Variants in IL1RAP observed in about 807,000 individuals in gnomAD.
IL1RAP encodes interleukin-1 receptor accessory protein.
In IL1RAP, 35 loss-of-function variants were observed where a neutral mutation model predicts 60.7. That is an observed-to-expected ratio of 0.58 (90% CI 0.44 to 0.76). The LOEUF (loss-of-function observed/expected upper bound fraction) is 0.76. IL1RAP is among the 30% of genes least tolerant of loss of function. IL1RAP has a pLI of 0.00. For missense variants in IL1RAP, 572 were observed against 693.9 expected (o/e 0.82, Z 1.97); for synonymous variants, 268 against 250.9 (o/e 1.07, Z -0.64).
chr3:190,596,571 A>G (rs1384227806), intron 3 of IL1RAP, among the ~76,000 whole-genome samples: 3 of 152,202 alleles, frequency 2.0e-5, no homozygotes, highest in Non-Finnish European at 2.9e-5. Context: ...GCACATTTCC[A>G]TTAGTCCTCT....
At chr3:190,522,633 T>C (rs1444657300) in intron 1 of IL1RAP, among the ~76,000 whole-genome samples, 1 of 135,816 alleles carries the variant, frequency 7.4e-6, no homozygotes, top group Admixed American at 7.9e-5. Flanking sequence ...AGGGGGAGTA[T>C]ATCAAGTAGA....
intron 3 of IL1RAP, among the ~76,000 whole-genome samples, chr3:190,590,346 C>T (rs570586231): frequency 2.7e-4 from 41 of 151,948 alleles, no homozygotes; most frequent in Non-Finnish European, 5.4e-4. Flanking sequence ...ACCTCTACCT[C>T]CCGGGTTCAA....
chr3:190,601,290 T>G (rs1392251487), intron 3 of IL1RAP, among the ~76,000 whole-genome samples: 2 of 152,210 alleles, frequency 1.3e-5, no homozygotes, highest in East Asian at 3.8e-4. Flanking sequence ...AGCCAAAACT[T>G]TGGTTATACT....
intron 3 of IL1RAP, among the ~76,000 whole-genome samples, chr3:190,576,126 A>G (rs925330944): frequency 2.6e-5 from 4 of 152,226 alleles, no homozygotes. Context: ...GTTGAATTAA[A>G]TATTTAAATG....
At chr3:190,632,204 C>T (rs1486165936) in intron 9 of IL1RAP, among the ~76,000 whole-genome samples, 3 of 152,212 alleles carry the variant, frequency 2.0e-5, no homozygotes, top group Non-Finnish European at 4.4e-5. Flanking sequence ...TACCATTTTA[C>T]CTGTCCTCTA....
chr3:190,524,368 T>A (rs1019176002), intron 1 of IL1RAP, among the ~76,000 whole-genome samples: 2 of 152,194 alleles, frequency 1.3e-5, no homozygotes, highest in African/African-American at 4.8e-5. Context: ...ATCCTATTTG[T>A]CAATATTTGC....
chr3:190,652,291 G>C (rs1734438780), downstream of IL1RAP, among the ~76,000 whole-genome samples: 1 of 151,816 alleles, frequency 6.6e-6, no homozygotes, highest in Admixed American at 6.6e-5. Flanking sequence ...GTGAAACCCT[G>C]TCTCTATTAA....
intron 9 of IL1RAP, 156 bp downstream of exon 9, chr3:190,629,654 G>T: frequency 7.2e-7 from 1 of 1,381,588 alleles, no homozygotes; most frequent in Middle Eastern, 2.0e-4. Context: ...AAATATGAAA[G>T]TTTTCATCTA....
At chr3:190,525,238 C>T (rs577681947) in intron 1 of IL1RAP, among the ~76,000 whole-genome samples, 1 of 152,210 alleles carries the variant, frequency 6.6e-6, no homozygotes, top group East Asian at 1.9e-4. Flanking sequence ...CAGCAACCAA[C>T]ATTGGAGGGA....
At chr3:190,613,361 T>TGACTAGCAG (rs1197587452) in intron 5 of IL1RAP, among the ~76,000 whole-genome samples, 66 of 152,268 alleles carry the variant, frequency 4.3e-4, no homozygotes, top group African/African-American at 1.4e-3. Flanking sequence ...CGGGTGGCAG[T>TGACTAGCAG]GACTAGCAGG....
In IL1RAP at chr3:190,648,282, A is replaced by G. The variant is rs1577828866; in HGVS notation, c.1346-56A>G. The G allele has an allele frequency of 2.6e-6, 4 of 1,524,336 alleles. No individual in the cohort carries two copies. In the East Asian group the frequency reaches 9.0e-5, roughly 34 times the overall value. The allele number at this position is 1,524,336 out of a possible 1,614,324, so 94.4% of individuals were successfully genotyped here. ...CCCTACATTTGCTCCTCAAGCCTCA[A>G]TGCTTTTGGGGAGTTTTTGGCCAAC... On this transcript the variant is annotated intron_variant, in intron 11 of 11. Transcript: ENST00000447382.
chr3:190,564,422 T>A, intron 3 of IL1RAP, 69 bp downstream of exon 3: 1 of 936,622 alleles, frequency 1.1e-6, no homozygotes. Flanking sequence ...CCACTCTTCC[T>A]GAAAATGAAT....
Position 190,572,912 on chromosome 3 carries a change from G to GGAGT in IL1RAP, c.64+8561_64+8564dup, listed in dbSNP as rs561090053. On this transcript the variant is annotated intron_variant, in intron 3 of 11. Coordinates refer to ENST00000447382, the MANE Select transcript of IL1RAP (RefSeq NM_002182.4). ...GGAGTCTCGCTCTGTCGCCCAGGCT[G>GGAGT]GAGTGCAGTGGCGGGATCTCGGCTC... Among the ~76,000 whole-genome samples the GGAGT allele has an allele frequency of 2.0e-3, 75 of 37,924 alleles. 6 individuals are homozygous for GGAGT. The highest frequency in any genetic ancestry group is 0.05 in the Middle Eastern group (1 of 20). 24.9% of individuals were successfully genotyped at this position (37,924 alleles called of 152,430 possible). A position where few individuals can be genotyped will look rare whatever the true frequency, so the allele number is the denominator to read the frequency against.
At chr3:190,523,051 C>A (rs1361112380) in intron 1 of IL1RAP, among the ~76,000 whole-genome samples, 1 of 152,158 alleles carries the variant, frequency 6.6e-6, no homozygotes, top group Non-Finnish European at 1.5e-5. Flanking sequence ...GTTTTACTTA[C>A]TGTATAAGCC....
intron 3 of IL1RAP, among the ~76,000 whole-genome samples, chr3:190,583,879 A>C (rs906143799): frequency 6.6e-6 from 1 of 152,198 alleles, no homozygotes; most frequent in Non-Finnish European, 1.5e-5. Flanking sequence ...ACCTTTTAAA[A>C]TTTATTTTTA....
chr3:190,638,418 G>T (rs548951333), intron 9 of IL1RAP, among the ~76,000 whole-genome samples: 1 of 152,142 alleles, frequency 6.6e-6, no homozygotes, highest in Admixed American at 6.5e-5. Context: ...TGTATTTTTT[G>T]ATGTGACTGT....
At position 190,522,455 on chromosome 3, in the gene IL1RAP, C is replaced by CTATCTATCTATA. The variant is rs1179554287; in HGVS notation, c.-89+8245_-89+8246insATATATCTATCT. Reference sequence around the variant, plus strand: ...TCTATCTATCTATCTATCTATCTATCTATCTATCTCTATTTATTAATAAGG... The same window carrying CTATCTATCTATA: ...TCTATCTATCTATCTATCTATCTATCTATCTATCTATATATCTATCTCTATTTATTAATAAGG... On this transcript the variant is annotated intron_variant, in intron 1 of 11. Coordinates refer to ENST00000447382, the MANE Select transcript of IL1RAP (RefSeq NM_002182.4). 1.4e-3 allele frequency among the ~76,000 whole-genome samples: 202 copies of CTATCTATCTATA among 149,584 alleles called. 1 individual carries two copies. The highest frequency in any genetic ancestry group is 3.9e-3 in the African/African-American group (158 of 40,382).
At position 190,620,430 on chromosome 3, in the gene IL1RAP, A is replaced by G; in HGVS notation, c.693A>G (p.Val231=). The change falls in exon 6 of 12, where the codon GTA becomes GTG. Residue 231 remains valine (V), a synonymous_variant. Transcript: ENST00000447382. ...TTCATCTCACCAGGACTCTGACTGT[A>G]AAGGTAGTAGGTAAGCATGATTAGT... ...RTFHLTRTLT[V]KVVGSPKNAV... 6.2e-7 allele frequency: 1 copy of G among 1,611,720 alleles called. No individual in the cohort carries two copies. Among genetic ancestry groups the G allele is most frequent in the South Asian group, 1.1e-5 (1 of 90,596 alleles).
At chr3:190,533,708 C>T (rs1006940351) in intron 1 of IL1RAP, among the ~76,000 whole-genome samples, 9 of 151,912 alleles carry the variant, frequency 5.9e-5, no homozygotes, top group Non-Finnish European at 1.0e-4. Flanking sequence ...GAAAAACCTC[C>T]CACTGGCTGC....
Sources: allele counts gnomAD v4.1 joint callset (sites outside exome capture counted in the v4.1 genomes callset), GRCh38; gene constraint gnomAD v4.1.1; transcripts MANE v1.5; gene names NCBI Gene and HGNC (gene_info 2026-07-23, HGNC 2026-07-21).